Variants in MTMR2 observed in about 807,000 individuals in gnomAD.
MTMR2 encodes myotubularin related protein 2.
Under a neutral mutation model 86.9 loss-of-function variants are expected in MTMR2, and 55 were observed. The observed-to-expected ratio is 0.63, with a 90% CI of 0.51 to 0.79. The LOEUF is 0.79. Among genes scored for constraint, MTMR2 ranks in the 30% least tolerant of loss-of-function variants. The probability of loss-of-function intolerance (pLI) is 0.00; values close to 1 mark genes in which losing one functional copy is unlikely to be tolerated. For missense variants in MTMR2, 659 were observed against 772.3 expected (o/e 0.85, Z 1.74); for synonymous variants, 241 against 266.8 (o/e 0.90, Z 0.94).
At chr11:95,906,361 T>C (rs1406321115) in intron 1 of MTMR2, among the ~76,000 whole-genome samples, 2 of 152,192 alleles carry the variant, frequency 1.3e-5, no homozygotes, top group Non-Finnish European at 2.9e-5. Context: ...ATCCTAAATA[T>C]ATATGCATCC....
rs1203667416 is a variant in MTMR2, at chr11:95,847,742, T to C, written c.1151A>G (p.Glu384Gly). The C allele has an allele frequency of 6.2e-7, 1 of 1,613,354 alleles. No homozygotes were observed. The highest frequency in any genetic ancestry group is 8.5e-7 in the Non-Finnish European group (1 of 1,179,426). The change falls in exon 10 of 15, where the codon GAA becomes GGA. Residue 384 changes from glutamate to glycine, a missense_variant. Around this residue, in one of 3 missense-constraint regions of MTMR2, gnomAD observed 387 missense variants for 526.3 expected, o/e 0.74. Transcript: ENST00000346299. Reference sequence around the variant, plus strand: ...AATATGTTCTAGCCAATGAGTAGATTCCAAGTTAGACAACCAGTGGGTTTC... The same window carrying C: ...AATATGTTCTAGCCAATGAGTAGATCCCAAGTTAGACAACCAGTGGGTTTC... ...IEETHWLSNLESTHWLEHIKL... is the reference protein window; with the variant it reads ...IEETHWLSNLGSTHWLEHIKL...
chr11:95,836,113 A>C, intron 14 of MTMR2, 35 bp downstream of exon 14: 4 of 1,576,662 alleles, frequency 2.5e-6, no homozygotes, highest in Non-Finnish European at 3.5e-6. Context: ...CACTGCATGA[A>C]TGAAAACTCC....
chr11:95,891,667 G>A (rs1865718779), intron 1 of MTMR2, among the ~76,000 whole-genome samples: 1 of 152,156 alleles, frequency 6.6e-6, no homozygotes, highest in Non-Finnish European at 1.5e-5. Flanking sequence ...TAGATATTAT[G>A]ATCCACAGTG....
At position 95,924,003 on chromosome 11, in the gene MTMR2, A is replaced by T; in HGVS notation, c.-49T>A. On this transcript the variant is annotated 5_prime_UTR_variant, in exon 1 of 15. Coordinates refer to ENST00000346299, the MANE Select transcript of MTMR2 (RefSeq NM_016156.6). ...AAAGGCTGAAGCAGTCTTCGCGGCT[A>T]CAGGGCGGGAGAAGCGGAGGGCGGA... The T allele has an allele frequency of 6.5e-7, 1 of 1,548,374 alleles. No homozygotes were observed.
intron 1 of MTMR2, among the ~76,000 whole-genome samples, chr11:95,905,203 T>A (rs1256337088): frequency 6.6e-6 from 1 of 152,020 alleles, no homozygotes; most frequent in Non-Finnish European, 1.5e-5. Flanking sequence ...CTAAACTCAC[T>A]CTGCCCTTGA....
intron 7 of MTMR2, among the ~76,000 whole-genome samples, chr11:95,856,030 A>G (rs1413839832): frequency 6.6e-6 from 1 of 152,210 alleles, no homozygotes; most frequent in East Asian, 1.9e-4. Flanking sequence ...AAAAAAAGAA[A>G]GGTCTATATG....
At chr11:95,901,697 T>G (rs1481565493) in intron 1 of MTMR2, among the ~76,000 whole-genome samples, 1 of 152,172 alleles carries the variant, frequency 6.6e-6, no homozygotes, top group Non-Finnish European at 1.5e-5. Context: ...GTGCTTATTA[T>G]CTAACTGGGG....
chr11:95,892,987 T>G (rs1865763866), intron 1 of MTMR2, among the ~76,000 whole-genome samples: 1 of 152,174 alleles, frequency 6.6e-6, no homozygotes, highest in Non-Finnish European at 1.5e-5. Context: ...GGCTTCTACA[T>G]TACTATTAGT....
intron 1 of MTMR2, among the ~76,000 whole-genome samples, chr11:95,904,282 C>CA (rs1274623275): frequency 2.0e-5 from 3 of 152,144 alleles, no homozygotes; most frequent in African/African-American, 7.2e-5. Context: ...AGCATAGAAA[C>CA]AAAGTATTAT....
chr11:95,900,577 A>T (rs1184993650), intron 1 of MTMR2, among the ~76,000 whole-genome samples: 1 of 152,014 alleles, frequency 6.6e-6, no homozygotes, highest in Non-Finnish European at 1.5e-5. Context: ...CCCTTCCTTC[A>T]ATAAACTTAC....
chr11:95,858,275 A>G (rs529718504), intron 6 of MTMR2, among the ~76,000 whole-genome samples: 26 of 152,264 alleles, frequency 1.7e-4, no homozygotes, highest in Non-Finnish European at 3.2e-4. Context: ...TTCATCATGG[A>G]AACACCCTGA....
Position 95,833,106 on chromosome 11 carries a change from G to C in MTMR2, c.*2184C>G, listed in dbSNP as rs1028186774. ...ATGATGCCTAAACTCTAGAAAATAG[G>C]AATTAGTCACAAGGGAGAACAGTTG... On this transcript the variant is annotated 3_prime_UTR_variant, in exon 15 of 15. Coordinates refer to ENST00000346299, the MANE Select transcript of MTMR2 (RefSeq NM_016156.6). 2 of 152,082 alleles carry C rather than the reference G, an allele frequency of 1.3e-5. No individual in the cohort carries two copies. The highest frequency in any genetic ancestry group is 1.5e-5 in the Non-Finnish European group (1 of 68,006). 9.4% of individuals were successfully genotyped at this position (152,082 alleles called of 1,614,324 possible). A position where few individuals can be genotyped will look rare whatever the true frequency, so the allele number is the denominator to read the frequency against.
intron 7 of MTMR2, among the ~76,000 whole-genome samples, chr11:95,854,763 A>C (rs566916740): frequency 6.8e-6 from 1 of 147,946 alleles, no homozygotes; most frequent in East Asian, 2.1e-4. Context: ...ACTGTACTGG[A>C]CTGCTCATTA....
chr11:95,885,954 C>T (rs1229635523), intron 2 of MTMR2, among the ~76,000 whole-genome samples: 2 of 152,222 alleles, frequency 1.3e-5, no homozygotes, highest in East Asian at 1.9e-4. Flanking sequence ...AAACACATAA[C>T]CCCAGTTGAA....
At chr11:95,872,311 T>C (rs1479811788) in intron 2 of MTMR2, among the ~76,000 whole-genome samples, 1 of 152,238 alleles carries the variant, frequency 6.6e-6, no homozygotes, top group Non-Finnish European at 1.5e-5. Flanking sequence ...CAGTGGTTTG[T>C]AGTTCTCCTT....
At chr11:95,895,161 A>G (rs1865840820) in intron 1 of MTMR2, among the ~76,000 whole-genome samples, 2 of 144,854 alleles carry the variant, frequency 1.4e-5, no homozygotes, top group African/African-American at 2.5e-5. Context: ...GGGCCAGGAG[A>G]AAAAAAAAAA....
chr11:95,845,380 C>T lies in MTMR2; in HGVS notation c.1180-221G>A, dbSNP rs565614393. On this transcript the variant is annotated intron_variant, in intron 10 of 14. Transcript: ENST00000346299. ...TGCTGACTCCTATTAATTTGCCCAA[C>T]GAAATAGCCAAATCAAAAGTACCTT... Among the ~76,000 whole-genome samples the T allele has an allele frequency of 2.6e-4, 40 of 152,194 alleles. No individual in the cohort carries two copies. The South Asian group carries it at 6.0e-3, about 23-fold the overall frequency.
chr11:95,837,521 A>G (rs1333526280), intron 13 of MTMR2, among the ~76,000 whole-genome samples: 6 of 152,044 alleles, frequency 3.9e-5, no homozygotes, highest in Non-Finnish European at 2.9e-5. Flanking sequence ...TTGAAATGTA[A>G]TCCTTACACC....
chr11:95,845,363 C>T (rs764559591), intron 10 of MTMR2, among the ~76,000 whole-genome samples: 1 of 152,020 alleles, frequency 6.6e-6, no homozygotes, highest in Non-Finnish European at 1.5e-5. Flanking sequence ...ATTGCTGACT[C>T]CTATTAATTT....
Sources: gnomAD v4.1 joint callset for allele counts (sites outside exome capture counted in the v4.1 genomes callset) on GRCh38, gnomAD v4.1.1 for gene constraint, gnomAD v4.1.1 regional missense constraint, MANE v1.5 for transcripts, NCBI Gene and HGNC (gene_info 2026-07-23, HGNC 2026-07-21) for gene names.